The following IFT172 variants were observed in gnomAD, a reference collection of about 807,000 sequenced individuals.
IFT172 encodes intraflagellar transport protein 172 homolog.
Under a neutral mutation model 248.9 loss-of-function variants are expected in IFT172, and 164 were observed. The observed-to-expected ratio is 0.66, with a 90% CI of 0.58 to 0.75. The LOEUF (loss-of-function observed/expected upper bound fraction) is 0.75, where lower values mean the gene tolerates loss of function less well. IFT172 is among the 30% of genes least tolerant of loss of function. The pLI, the probability that IFT172 is intolerant of heterozygous loss-of-function variation, is 0.00. For missense variants in IFT172, 1,950 were observed against 2,192.4 expected (o/e 0.89, Z 2.21); for synonymous variants, 729 against 791.6 (o/e 0.92, Z 1.33).
chr2:27,477,465 C>T, intron 12 of IFT172, 94 bp downstream of exon 12: 2 of 1,215,864 alleles, frequency 1.6e-6, no homozygotes, highest in Non-Finnish European at 2.4e-6. Flanking sequence ...TCTTTATCTG[C>T]TGTTTCCCTA....
In IFT172 at chr2:27,454,343, G is replaced by C. The variant is rs777469179; in HGVS notation, c.3530+11C>G. The C allele has an allele frequency of 7.4e-6, 12 of 1,613,938 alleles. No individual in the cohort carries two copies. The Admixed American group carries it at 2.0e-4, about 27-fold the overall frequency. On this transcript the variant is annotated intron_variant, in intron 32 of 47. Coordinates refer to ENST00000260570, the MANE Select transcript of IFT172 (RefSeq NM_015662.3). The surrounding 1 kb of genome is among the most constrained non-coding windows in gnomAD (Gnocchi z 4.2). ...GGGAAACAGTATTAAGGAATGTATG[G>C]GGTAACTCACATGAGGACTGCCTCC...
intron 5 of IFT172, 56 bp from the exon 6 acceptor site, chr2:27,483,715 C>T: frequency 6.3e-7 from 1 of 1,582,926 alleles, no homozygotes; most frequent in South Asian, 1.1e-5. Flanking sequence ...TTTAACTAGG[C>T]CCTAAGAAAA....
intron 16 of IFT172, among the ~76,000 whole-genome samples, chr2:27,470,013 AC>A (rs1438035859): frequency 5.3e-5 from 8 of 152,134 alleles, no homozygotes; most frequent in Non-Finnish European, 1.5e-5. Context: ...TTTCAAGGTA[AC>A]CTCTACAGAA....
intron 10 of IFT172, 42 bp downstream of exon 10, chr2:27,479,467 G>C: frequency 9.2e-7 from 1 of 1,083,914 alleles, no homozygotes; most frequent in South Asian, 1.2e-5. Context: ...GGAGGAATGA[G>C]CCACGCAAGT....
intron 16 of IFT172, among the ~76,000 whole-genome samples, chr2:27,466,709 A>G (rs1222559855): frequency 6.6e-6 from 1 of 152,238 alleles, no homozygotes; most frequent in African/African-American, 2.4e-5. Context: ...AGAATTTCAG[A>G]TATTAAAAAT....
At chr2:27,444,927 G>A in intron 47 of IFT172, 87 bp downstream of exon 47, 1 of 1,424,204 alleles carries the variant, frequency 7.0e-7, no homozygotes, top group Admixed American at 2.1e-5. Context: ...GGGATTAAAG[G>A]TATGAGCCAC....
rs1357322553 is a variant in IFT172, at chr2:27,485,353, T to C, written c.183+7A>G. 1 of 1,613,902 alleles carries C rather than the reference T, an allele frequency of 6.2e-7. No individual in the cohort carries two copies. The highest frequency in any genetic ancestry group is 1.3e-5 in the African/African-American group (1 of 74,922). ...TTAAATAAGGTACACATGAATACAC[T>C]GTTTACCTTCATGTCAGCTGGTTTG... On this transcript the variant is annotated splice_region_variant and intron_variant, in intron 2 of 47. Coordinates refer to ENST00000260570, the MANE Select transcript of IFT172 (RefSeq NM_015662.3).
At chr2:27,463,510 TTTTTTGTGATTCTTTTCTC>T (rs1435729882) in intron 18 of IFT172, among the ~76,000 whole-genome samples, 2 of 151,052 alleles carry the variant, frequency 1.3e-5, no homozygotes, top group African/African-American at 2.4e-5. Flanking sequence ...ATTATGAGAT[TTTTTTGTGATTCTTTTCTC>T]TTTTTTTTTT....
At chr2:27,468,555 G>T (rs1016329673) in intron 16 of IFT172, among the ~76,000 whole-genome samples, 2 of 152,018 alleles carry the variant, frequency 1.3e-5, no homozygotes, top group Admixed American at 6.6e-5. Flanking sequence ...GACTTTAAAA[G>T]AAACCAAAGA....
chr2:27,477,953 A>T (rs766598301), intron 11 of IFT172, 42 bp downstream of exon 11: 1 of 1,610,712 alleles, frequency 6.2e-7, no homozygotes, highest in South Asian at 1.1e-5. Flanking sequence ...TATTAAGCCA[A>T]GATGCCCTAT....
At position 27,450,742 on chromosome 2, in the gene IFT172, C is replaced by A. The variant is rs193170623; in HGVS notation, c.3952-646G>T. Among the ~76,000 whole-genome samples, 45 of 152,132 alleles carry A rather than the reference C, an allele frequency of 3.0e-4. No individual in the cohort carries two copies. The East Asian group carries it at 8.7e-3, about 29-fold the overall frequency. ...AGTAGCTGGGATTACAGGCACCCAC[C>A]ACCATGCCCAGCTAATTTTTGTATT... is the stretch of plus-strand genomic sequence containing the variant. On this transcript the variant is annotated intron_variant, in intron 35 of 47. Coordinates refer to ENST00000260570, the MANE Select transcript of IFT172 (RefSeq NM_015662.3).
intron 18 of IFT172, 109 bp from the exon 19 acceptor site, chr2:27,463,290 G>T: frequency 9.8e-7 from 1 of 1,020,748 alleles, no homozygotes; most frequent in Non-Finnish European, 1.5e-6. Flanking sequence ...GCCAGCCAAT[G>T]TCTTGTCACT....
intron 30 of IFT172, 31 bp downstream of exon 30, chr2:27,456,480 G>A: frequency 6.3e-7 from 1 of 1,597,202 alleles, no homozygotes; most frequent in Non-Finnish European, 8.5e-7. Flanking sequence ...GGCTGGGATG[G>A]GGCCCGTGGA....
intron 43 of IFT172, 117 bp downstream of exon 43, chr2:27,446,143 C>T (rs1292388384): frequency 2.3e-6 from 3 of 1,290,930 alleles, no homozygotes; most frequent in African/African-American, 1.5e-5. Context: ...AGGAGGACTA[C>T]ATCCTCCGTA....
intron 3 of IFT172, 99 bp downstream of exon 3, chr2:27,484,919 T>C: frequency 1.3e-6 from 1 of 753,960 alleles, no homozygotes; most frequent in East Asian, 2.5e-5. Context: ...ATGGCCAAGC[T>C]TGGCTTCTCA....
intron 17 of IFT172, 108 bp downstream of exon 17, chr2:27,465,638 A>T (rs1667032383): frequency 6.4e-7 from 1 of 1,550,934 alleles, no homozygotes; most frequent in Non-Finnish European, 8.9e-7. Flanking sequence ...TCCTCCCAGG[A>T]TCACTGGATC....
intron 35 of IFT172, among the ~76,000 whole-genome samples, chr2:27,452,202 G>T (rs1024714804): frequency 6.6e-6 from 1 of 152,122 alleles, no homozygotes; most frequent in African/African-American, 2.4e-5. Context: ...GAACATAAAG[G>T]CTGGCTCCTT....
intron 11 of IFT172, 32 bp downstream of exon 11, chr2:27,477,963 T>C (rs377245933): frequency 1.8e-5 from 29 of 1,612,992 alleles, no homozygotes; most frequent in Non-Finnish European, 2.4e-5. Flanking sequence ...AGATGCCCTA[T>C]TCCCCACCCT....
chr2:27,468,940 CA>C (rs1170980859), intron 16 of IFT172, among the ~76,000 whole-genome samples: 2 of 149,620 alleles, frequency 1.3e-5, no homozygotes, highest in Non-Finnish European at 3.0e-5. Flanking sequence ...TTCCGAACAA[CA>C]ATGGAAGTCA....
Sources: allele counts gnomAD v4.1 joint callset (sites outside exome capture counted in the v4.1 genomes callset), GRCh38; gene constraint gnomAD v4.1.1; non-coding constraint Gnocchi (gnomAD v3.1); transcripts MANE v1.5; gene names NCBI Gene and HGNC (gene_info 2026-07-23, HGNC 2026-07-21).